TMEM160: variants seen among roughly 807,000 people sequenced by gnomAD.
TMEM160 encodes transmembrane protein 160.
A neutral mutation model predicts 13.9 loss-of-function variants in TMEM160; 10 were observed. The ratio of observed to expected loss-of-function variants is 0.72; its 90% confidence interval spans 0.45 to 1.22. TMEM160 has a LOEUF of 1.22. TMEM160 is among the 50% of genes most tolerant of loss of function. The probability of loss-of-function intolerance (pLI) is 0.00; values close to 1 mark genes in which losing one functional copy is unlikely to be tolerated. For missense variants in TMEM160, 287 were observed against 283.2 expected (o/e 1.01, Z -0.10); for synonymous variants, 159 against 134.8 (o/e 1.18, Z -1.25).
chr19:47,046,026 C>A lies in TMEM160; in HGVS notation c.528G>T (p.Ala176=), dbSNP rs1056049869. The A allele has an allele frequency of 6.5e-7, 1 of 1,549,250 alleles. No individual in the cohort carries two copies. Among genetic ancestry groups the A allele is most frequent in the Non-Finnish European group, 8.7e-7 (1 of 1,154,764 alleles). ...GCCGACCCGCCTCATCAGGGCCTTC[C>A]GCGGAGGCCGTCCCGTCGTCCTCGG... The part of the protein sequence containing the change: ...LVPEDDGTAS[A]EGPDEAGRPP... The change falls in exon 3 of 3, where the codon GCG becomes GCT. Residue 176 remains alanine, a synonymous_variant. Transcript: ENST00000253047.
rs1599931725 is a variant in TMEM160, at chr19:47,047,899, A to C, written c.208+508T>G. ...ACATGGCCAGTCCGCTCCATTCTGG[A>C]CCTCGCCTCCGTCACAAGCCCCGCC... On this transcript the variant is annotated intron_variant, in intron 1 of 2. Transcript: ENST00000253047. 7 of 984,220 alleles carry C rather than the reference A, an allele frequency of 7.1e-6. No individual in the cohort carries two copies. The South Asian group carries it at 3.3e-4, about 46-fold the overall frequency. The allele number at this position is 984,220 out of a possible 1,614,324, so 61.0% of individuals were successfully genotyped here.
intron 1 of TMEM160, chr19:47,047,261 A>G: frequency 2.0e-6 from 2 of 985,358 alleles, no homozygotes; most frequent in South Asian, 9.4e-5. Context: ...AGGACAATCT[A>G]GGGGCAAAGT....
Position 47,047,798 on chromosome 19 carries a change from A to C in TMEM160, c.208+609T>G, listed in dbSNP as rs1568514838. The C allele has an allele frequency of 2.4e-5, 18 of 754,552 alleles. 1 individual carries two copies. The highest frequency in any genetic ancestry group is 2.9e-5 in the Non-Finnish European group (18 of 619,130). The allele number at this position is 754,552 out of a possible 1,614,324, so 46.7% of individuals were successfully genotyped here. On this transcript the variant is annotated intron_variant, in intron 1 of 2. Transcript: ENST00000253047. ...GAGTTCAAGGCTGCAGTGGGCTACG[A>C]TTGCGCCACTGCGGTCCAGCCTCGG...
At position 47,046,018 on chromosome 19, in the gene TMEM160, G is replaced by C; in HGVS notation, c.536C>G (p.Pro179Arg). The C allele has an allele frequency of 6.5e-7, 1 of 1,548,904 alleles. No individual in the cohort carries two copies. The highest frequency in any genetic ancestry group is 8.7e-7 in the Non-Finnish European group (1 of 1,154,614). Residue 179 changes from proline (P) to arginine (R), a missense_variant, in exon 3 of 3, where the codon CCT (proline) becomes CGT (arginine). Pro to Arg is a moderately radical substitution (Grantham distance 103). Transcript: ENST00000253047. ...GGGTGGCGGCCGACCCGCCTCATCA[G>C]GGCCTTCCGCGGAGGCCGTCCCGTC... ...EDDGTASAEGPDEAGRPPPE is the reference protein window; with the variant it reads ...EDDGTASAEGRDEAGRPPPE
Position 47,046,673 on chromosome 19 carries a change from C to T in TMEM160, c.221G>A (p.Trp74Ter). 6.2e-7 allele frequency: 1 copy of T among 1,612,322 alleles called. No homozygotes were observed. Among genetic ancestry groups the T allele is most frequent in the Non-Finnish European group, 8.5e-7 (1 of 1,179,666 alleles). ...CGATGCCAGGAGGCCATTGCGGAAC[C>T]AGGAGAGGAAGGCTGGAGGGAGGGG... ...RKAHETAFLS[W>*]FRNGLLASGI... Residue 74 changes from tryptophan to a stop codon, truncating the protein, a stop_gained, in exon 2 of 3, where the codon TGG becomes TAG. Coordinates refer to ENST00000253047, the MANE Select transcript of TMEM160 (RefSeq NM_017854.2). LOFTEE classifies it high-confidence loss of function.
chr19:47,047,805 C>G, intron 1 of TMEM160: 3 of 803,092 alleles, frequency 3.7e-6, no homozygotes, highest in Non-Finnish European at 4.5e-6. Context: ...ACGATTGCGC[C>G]ACTGCGGTCC....
At chr19:47,047,148 T>G (rs1000184865) in intron 1 of TMEM160, among the ~76,000 whole-genome samples, 2 of 152,160 alleles carry the variant, frequency 1.3e-5, no homozygotes, top group Non-Finnish European at 2.9e-5. Context: ...AGGTAGAGGT[T>G]GCAGCGAGCC....
chr19:47,046,131 GGCGCCC>G lies in TMEM160; in HGVS notation c.417_422del (p.Gly140_Ala141del). The stretch of plus-strand genomic sequence containing the variant: ...CCCAGAGCAGGCTGGCGGCCAGCAC[GGCGCCC>G]GCGCCCACGGCCGCGCCCCCCAGCG... On this transcript the variant is annotated inframe_deletion, in exon 3 of 3. Coordinates refer to ENST00000253047, the MANE Select transcript of TMEM160 (RefSeq NM_017854.2). 1 of 1,489,388 alleles carries G rather than the reference GGCGCCC, an allele frequency of 6.7e-7. No homozygotes were observed. Among genetic ancestry groups the G allele is most frequent in the Non-Finnish European group, 8.9e-7 (1 of 1,127,850 alleles). The allele number at this position is 1,489,388 out of a possible 1,614,324, so 92.3% of individuals were successfully genotyped here. A position where few individuals can be genotyped will look rare whatever the true frequency, so the allele number is the denominator to read the frequency against.
intron 1 of TMEM160, chr19:47,047,624 G>A: frequency 2.1e-6 from 2 of 973,816 alleles, no homozygotes; most frequent in Non-Finnish European, 2.4e-6. Context: ...GCCAAGGCAG[G>A]AGGATTCTCT....
At chr19:47,046,922 G>T (rs374032373) in intron 1 of TMEM160, among the ~76,000 whole-genome samples, 3 of 152,128 alleles carry the variant, frequency 2.0e-5, no homozygotes, top group East Asian at 3.9e-4. Flanking sequence ...TAACACTAAG[G>T]ATTCAAGGGC....
At chr19:47,048,332 C>G in intron 1 of TMEM160, 75 bp downstream of exon 1, 2 of 1,282,132 alleles carry the variant, frequency 1.6e-6, no homozygotes, top group Non-Finnish European at 2.1e-6. Flanking sequence ...CTGCAGAAGC[C>G]CCCGCCCCAT....
intron 1 of TMEM160, chr19:47,047,956 CAG>C (rs2057089723): frequency 1.0e-6 from 1 of 984,674 alleles, no homozygotes; most frequent in Non-Finnish European, 1.2e-6. Context: ...CCCCTCCAAT[CAG>C]CAGAGAGCTT....
chr19:47,047,479 G>GT, intron 1 of TMEM160: 1 of 985,102 alleles, frequency 1.0e-6, no homozygotes, highest in Non-Finnish European at 1.2e-6. Context: ...GTCCTACCGA[G>GT]TATGGCCTGG....
chr19:47,046,689 G>A lies in TMEM160; in HGVS notation c.209-4C>T, dbSNP rs1165163182. 1 of 1,608,770 alleles carries A rather than the reference G, an allele frequency of 6.2e-7. No individual in the cohort carries two copies. The highest frequency in any genetic ancestry group is 1.7e-5 in the Admixed American group (1 of 59,986). On this transcript the variant is annotated splice_region_variant and splice_polypyrimidine_tract_variant and intron_variant, in intron 1 of 2. Transcript: ENST00000253047. ...TTGCGGAACCAGGAGAGGAAGGCTG[G>A]AGGGAGGGGGACATGGGGGGATTAA...
chr19:47,048,459 C>T lies in TMEM160; in HGVS notation c.156G>A (p.Val52=). The T allele has an allele frequency of 7.1e-7, 1 of 1,411,870 alleles. No homozygotes were observed. The highest frequency in any genetic ancestry group is 1.5e-5 in the African/African-American group (1 of 65,764). The allele number at this position is 1,411,870 out of a possible 1,614,324, so 87.5% of individuals were successfully genotyped here. A position where few individuals can be genotyped will look rare whatever the true frequency, so the allele number is the denominator to read the frequency against. The change falls in exon 1 of 3, where the codon GTG becomes GTA. Residue 52 remains valine, a synonymous_variant. Coordinates refer to ENST00000253047, the MANE Select transcript of TMEM160 (RefSeq NM_017854.2). ...GPRAGASPPP[V]SELDRADAWL... ...AGGCGTCCGCACGATCCAGCTCGGA[C>T]ACTGGGGGCGGCGAAGCCCCGGCGC...
intron 2 of TMEM160, 70 bp downstream of exon 2, chr19:47,046,523 T>C (rs934476109): frequency 9.1e-6 from 12 of 1,324,344 alleles, no homozygotes; most frequent in Middle Eastern, 1.8e-4. Flanking sequence ...GAGTCTACTC[T>C]CACCAGGGCA....
At chr19:47,048,265 G>T in intron 1 of TMEM160, 142 bp downstream of exon 1, 1 of 753,494 alleles carries the variant, frequency 1.3e-6, no homozygotes, top group Non-Finnish European at 2.0e-6. Flanking sequence ...CTTGCAGTCT[G>T]CGCTTCCGTG....
intron 1 of TMEM160, chr19:47,047,274 C>A: frequency 1.0e-6 from 1 of 985,440 alleles, no homozygotes; most frequent in Non-Finnish European, 1.2e-6. Flanking sequence ...GGCAAAGTTG[C>A]AGAACCTCCA....
chr19:47,047,870 A>C (rs991693260), intron 1 of TMEM160: 67 of 983,618 alleles, frequency 6.8e-5, no homozygotes, highest in East Asian at 1.1e-4. Flanking sequence ...TAAAAAAAAA[A>C]CAAACATGGC....
Sources: allele counts gnomAD v4.1 joint callset (sites outside exome capture counted in the v4.1 genomes callset), GRCh38; gene constraint gnomAD v4.1.1; transcripts MANE v1.5; gene names NCBI Gene and HGNC (gene_info 2026-07-23, HGNC 2026-07-21).